The following RALY variants were observed in gnomAD, a reference collection of about 807,000 sequenced individuals.
RALY encodes the protein RALY heterogeneous nuclear ribonucleoprotein, also known as RNA-binding protein Raly.
In RALY, 15 loss-of-function variants were observed where a neutral mutation model predicts 30.7. That is an observed-to-expected ratio of 0.49 (90% CI 0.33 to 0.75). The LOEUF (loss-of-function observed/expected upper bound fraction) is 0.75, where lower values mean the gene tolerates loss of function less well. RALY is among the 30% of genes least tolerant of loss of function. The pLI, the probability that RALY is intolerant of heterozygous loss-of-function variation, is 0.02. For missense variants in RALY, 339 were observed against 414.3 expected, an observed-to-expected ratio of 0.82 and a Z score of 1.58; for synonymous variants, 177 against 170.8, an observed-to-expected ratio of 1.04 and a Z score of -0.28.
chr20:34,009,571 A>G (rs2031310730), intron 1 of RALY, among the ~76,000 whole-genome samples: 1 of 152,094 alleles, frequency 6.6e-6, no homozygotes, highest in South Asian at 2.1e-4. Context: ...CTCCTTGTAC[A>G]CTGGCTAGTC....
At chr20:34,068,694 A>T (rs2033645795) in intron 2 of RALY, among the ~76,000 whole-genome samples, 3 of 152,188 alleles carry the variant, frequency 2.0e-5, no homozygotes, top group Non-Finnish European at 2.9e-5. Context: ...ACCATGTCTT[A>T]ATTTAGAATT....
intron 2 of RALY, among the ~76,000 whole-genome samples, chr20:34,063,344 G>C (rs898286458): frequency 6.6e-6 from 1 of 152,144 alleles, no homozygotes; most frequent in Non-Finnish European, 1.5e-5. Flanking sequence ...GTGGATGGGG[G>C]CTCAGTGGGA....
At chr20:34,074,100 T>G (rs937086629) in intron 5 of RALY, among the ~76,000 whole-genome samples, 1 of 152,184 alleles carries the variant, frequency 6.6e-6, no homozygotes, top group Non-Finnish European at 1.5e-5. Context: ...CCCTTTTTCC[T>G]TCTTGTCCTT....
chr20:34,027,363 T>C (rs2032083072), intron 1 of RALY, among the ~76,000 whole-genome samples: 1 of 152,188 alleles, frequency 6.6e-6, no homozygotes. Flanking sequence ...CATCACCTAC[T>C]TCACAGGGTA....
chr20:34,050,364 A>G (rs1238086697), intron 2 of RALY, among the ~76,000 whole-genome samples: 1 of 152,250 alleles, frequency 6.6e-6, no homozygotes, highest in Non-Finnish European at 1.5e-5. Flanking sequence ...GTTAGGCTCA[A>G]ACCGTCTTGG....
chr20:34,026,548 G>T (rs896255952), intron 1 of RALY, among the ~76,000 whole-genome samples: 2 of 147,998 alleles, frequency 1.4e-5, no homozygotes, highest in African/African-American at 4.9e-5. Flanking sequence ...GACTACAGGC[G>T]CCCGCCAGCC....
intron 5 of RALY, among the ~76,000 whole-genome samples, 195 bp downstream of exon 5, chr20:34,074,061 C>T (rs1233695484): frequency 6.6e-6 from 1 of 152,184 alleles, no homozygotes; most frequent in Non-Finnish European, 1.5e-5. Flanking sequence ...GCTCCTACCA[C>T]CATACAACAC....
chr20:34,063,167 A>G (rs1160603418), intron 2 of RALY, among the ~76,000 whole-genome samples: 3 of 152,216 alleles, frequency 2.0e-5, no homozygotes, highest in Non-Finnish European at 4.4e-5. Flanking sequence ...ATGTATCATC[A>G]CTATCTCATA....
intron 7 of RALY, 26 bp downstream of exon 7, chr20:34,076,841 C>T (rs1340406516): frequency 6.2e-7 from 1 of 1,609,956 alleles, no homozygotes; most frequent in East Asian, 2.2e-5. Context: ...TTCTCACCCA[C>T]CTCCATGACC....
chr20:34,004,775 G>A (rs192160696), intron 1 of RALY, among the ~76,000 whole-genome samples: 23 of 152,306 alleles, frequency 1.5e-4, no homozygotes, highest in African/African-American at 5.5e-4. Context: ...TCTTAAAATG[G>A]TTGGGGAGGG....
chr20:34,043,661 G>T (rs2032778613), intron 2 of RALY, among the ~76,000 whole-genome samples: 2 of 152,138 alleles, frequency 1.3e-5, no homozygotes, highest in African/African-American at 2.4e-5. Flanking sequence ...TTCCATGGGG[G>T]TTCATACTAG....
At chr20:34,037,789 G>C (rs1048379787) in intron 2 of RALY, among the ~76,000 whole-genome samples, 1 of 152,234 alleles carries the variant, frequency 6.6e-6, no homozygotes, top group African/African-American at 2.4e-5. Flanking sequence ...CAGTAGCAGT[G>C]CATCATTGTC....
In RALY at chr20:34,077,243, C is replaced by A; in HGVS notation, c.874C>A (p.Leu292Met). Residue 292 changes from leucine to methionine, a missense_variant and splice_region_variant, in exon 8 of 10, where the codon CTG (leucine) becomes ATG (methionine). By Grantham distance (15) the Leu-to-Met change is conservative. Around this residue, in one of 2 missense-constraint regions of RALY, gnomAD observed 268 missense variants for 280.6 expected, o/e 0.95. Transcript: ENST00000246194. ...EGLLTHSEEELEHSQDTDADD... is the reference protein window; with the variant it reads ...EGLLTHSEEEMEHSQDTDADD... ...GCTCCTGACACACAGCGAGGAAGAG[C>A]TGGTGAGGGCCTGGCCAGGGGCACG... The A allele has an allele frequency of 6.2e-7, 1 of 1,613,688 alleles. No individual in the cohort carries two copies. Among genetic ancestry groups the A allele is most frequent in the South Asian group, 1.1e-5 (1 of 91,070 alleles).
chr20:33,994,478 G>A (rs1444837036), intron 1 of RALY: 1 of 152,296 alleles, frequency 6.6e-6, no homozygotes, highest in Admixed American at 6.5e-5. Context: ...CGCCCCGCCC[G>A]GCGAGGGGCG....
chr20:34,079,115 C>T (rs900231465), intron 9 of RALY, among the ~76,000 whole-genome samples: 4 of 152,088 alleles, frequency 2.6e-5, no homozygotes, highest in South Asian at 2.1e-4. Context: ...TGTGAAGGGC[C>T]GTATGTGTCA....
chr20:33,994,870 A>C (rs542385236), intron 1 of RALY, among the ~76,000 whole-genome samples: 3 of 152,322 alleles, frequency 2.0e-5, no homozygotes, highest in Admixed American at 6.5e-5. Flanking sequence ...GGAACTTCCC[A>C]AGCCTTATTT....
intron 1 of RALY, among the ~76,000 whole-genome samples, chr20:33,996,611 A>G (rs557297243): frequency 6.8e-6 from 1 of 147,672 alleles, no homozygotes; most frequent in Admixed American, 6.6e-5. Context: ...TAAAGCTGGC[A>G]TGCTTTTTTT....
chr20:34,060,160 C>G lies in RALY; in HGVS notation c.-9-11906C>G, dbSNP rs375436178. Among the ~76,000 whole-genome samples the G allele has an allele frequency of 7.9e-5, 12 of 152,244 alleles. No individual in the cohort carries two copies. The South Asian group carries it at 1.2e-3, about 16-fold the overall frequency. The stretch of plus-strand genomic sequence containing the variant: ...AGTATTTTTTTCCTTGATCACAGTT[C>G]AGCTCTAGGTTAATATTCCATTAGA... On this transcript the variant is annotated intron_variant, in intron 2 of 9. Coordinates refer to ENST00000246194, the MANE Select transcript of RALY (RefSeq NM_016732.3).
At chr20:34,038,151 C>T (rs2032570865) in intron 2 of RALY, among the ~76,000 whole-genome samples, 2 of 152,168 alleles carry the variant, frequency 1.3e-5, no homozygotes, top group Admixed American at 1.3e-4. Context: ...CTTCCTTCCC[C>T]AGTTTTCATT....
Sources: allele counts gnomAD v4.1 joint callset (sites outside exome capture counted in the v4.1 genomes callset), GRCh38; gene constraint gnomAD v4.1.1; regional missense constraint gnomAD v4.1.1; transcripts MANE v1.5; gene names NCBI Gene and HGNC (gene_info 2026-07-23, HGNC 2026-07-21).